DNM3: variants seen among roughly 807,000 people sequenced by gnomAD.
The protein encoded by DNM3 is dynamin 3.
In DNM3, 47 loss-of-function variants were observed where a neutral mutation model predicts 101.6. That is an observed-to-expected ratio of 0.46 (90% CI 0.37 to 0.59). The LOEUF is 0.59. Ranked by LOEUF, DNM3 falls within the 20% of genes least tolerant of loss-of-function variation. The pLI is 0.00. For missense variants in DNM3, 849 were observed against 1,085.7 expected, an observed-to-expected ratio of 0.78 and a Z score of 3.06; for synonymous variants, 385 against 387.9, an observed-to-expected ratio of 0.99 and a Z score of 0.09.
At chr1:172,180,703 G>T (rs1304801053) in intron 14 of DNM3, among the ~76,000 whole-genome samples, 2 of 152,028 alleles carry the variant, frequency 1.3e-5, no homozygotes, top group Admixed American at 1.3e-4. Flanking sequence ...TAGCTGTTTT[G>T]TGTTTCTGTA....
intron 15 of DNM3, among the ~76,000 whole-genome samples, chr1:172,307,894 A>G (rs1489046082): frequency 6.6e-6 from 1 of 152,102 alleles, no homozygotes; most frequent in African/African-American, 2.4e-5. Context: ...TGGGGGAGGG[A>G]TAGCATGAGG....
rs185733361 is a variant in DNM3 at position 172,051,202 on chromosome 1, C to T, written c.1335+2452C>T. Reference sequence around the variant, plus strand: ...GGGCCTTTATTGGGTATGACATTTGCCATTTTTCCTTTTGTGGCTTCCAAA... The same window carrying T: ...GGGCCTTTATTGGGTATGACATTTGTCATTTTTCCTTTTGTGGCTTCCAAA... On this transcript the variant is annotated intron_variant, in intron 10 of 20. Coordinates refer to ENST00000627582, the MANE Select transcript of DNM3 (RefSeq NM_015569.5). Among the ~76,000 whole-genome samples the T allele has an allele frequency of 5.1e-4, 78 of 152,276 alleles. 2 individuals carry two copies. The highest frequency in any genetic ancestry group is 5.0e-3 in the Admixed American group (76 of 15,296).
At chr1:172,083,338 GA>G (rs1210494398) in intron 12 of DNM3, among the ~76,000 whole-genome samples, 2 of 152,140 alleles carry the variant, frequency 1.3e-5, no homozygotes, top group Admixed American at 6.5e-5. Flanking sequence ...CCAAATAATT[GA>G]AAAGTATAGA....
At chr1:172,098,898 G>C (rs1009239135) in intron 13 of DNM3, among the ~76,000 whole-genome samples, 21 of 152,194 alleles carry the variant, frequency 1.4e-4, no homozygotes, top group Non-Finnish European at 1.3e-4. Context: ...GAACTTGGAG[G>C]AAGTTGTCAG....
intron 14 of DNM3, among the ~76,000 whole-genome samples, chr1:172,220,446 AG>A (rs2060866117): frequency 6.6e-6 from 1 of 152,214 alleles, no homozygotes; most frequent in South Asian, 2.1e-4. Context: ...AGAGAGCTCA[AG>A]AATCAATGCT....
chr1:172,019,239 A>G (rs2047666116), intron 4 of DNM3, among the ~76,000 whole-genome samples: 1 of 148,016 alleles, frequency 6.8e-6, no homozygotes, highest in Non-Finnish European at 1.5e-5. Context: ...GTACTGGTGC[A>G]CCAGGATCTC....
At chr1:172,281,686 G>A (rs1000170188) in intron 15 of DNM3, among the ~76,000 whole-genome samples, 6 of 151,592 alleles carry the variant, frequency 4.0e-5, no homozygotes, top group Non-Finnish European at 5.9e-5. Flanking sequence ...TCAGTGACTC[G>A]AGCTGGTTTG....
intron 2 of DNM3, among the ~76,000 whole-genome samples, chr1:171,928,616 A>G (rs1034923799): frequency 3.9e-5 from 6 of 152,006 alleles, no homozygotes; most frequent in African/African-American, 1.4e-4. Context: ...TGGAGGTGTG[A>G]ATAAGGCACT....
At position 172,316,322 on chromosome 1, in the gene DNM3, T is replaced by A. The variant is rs1437222194; in HGVS notation, c.1882-7007T>A. Among the ~76,000 whole-genome samples the A allele has an allele frequency of 2.7e-5, 4 of 149,746 alleles. No individual in the cohort carries two copies. The South Asian group carries it at 8.5e-4, about 32-fold the overall frequency. On this transcript the variant is annotated intron_variant, in intron 16 of 20. Coordinates refer to ENST00000627582, the MANE Select transcript of DNM3 (RefSeq NM_015569.5). Reference sequence around the variant, plus strand: ...AAGACCATCGAGACTAGGAAGGAACTGCATGAACTACTGAGCAAAATAACC... The same window carrying A: ...AAGACCATCGAGACTAGGAAGGAACAGCATGAACTACTGAGCAAAATAACC...
At chr1:172,017,423 T>C (rs531057481) in intron 4 of DNM3, among the ~76,000 whole-genome samples, 8 of 152,330 alleles carry the variant, frequency 5.3e-5, no homozygotes, top group Admixed American at 4.6e-4. Flanking sequence ...AACTGTTTTT[T>C]AAGTTTCTCA....
At chr1:172,257,710 G>C (rs2062463096) in intron 15 of DNM3, among the ~76,000 whole-genome samples, 1 of 151,950 alleles carries the variant, frequency 6.6e-6, no homozygotes, top group Non-Finnish European at 1.5e-5. Context: ...TATGTGTTGA[G>C]AACATTCCAA....
chr1:171,919,435 C>T (rs2039983167), intron 1 of DNM3, among the ~76,000 whole-genome samples: 1 of 151,954 alleles, frequency 6.6e-6, no homozygotes. Context: ...TGTTAGTTTC[C>T]TGAGAATGAT....
At chr1:172,183,767 ATTTTTTTTTTTT>A (rs376245976) in intron 14 of DNM3, among the ~76,000 whole-genome samples, 10 of 62,654 alleles carry the variant, frequency 1.6e-4, no homozygotes, top group East Asian at 5.0e-4. Flanking sequence ...TGCCCAGCTA[ATTTTTTTTTTTT>A]TTTTTTTTTT....
intron 14 of DNM3, among the ~76,000 whole-genome samples, chr1:172,193,956 G>A (rs146442003): frequency 0.067 from 10,180 of 152,064 alleles, 395 homozygotes; most frequent in Middle Eastern, 0.12. Context: ...TGATGTTAGG[G>A]TGTCAATTTT....
chr1:172,333,613 C>T (rs1034689956), intron 17 of DNM3, among the ~76,000 whole-genome samples: 1 of 152,010 alleles, frequency 6.6e-6, no homozygotes, highest in Admixed American at 6.6e-5. Flanking sequence ...CAACTTGATG[C>T]ATATTATCTT....
intron 10 of DNM3, among the ~76,000 whole-genome samples, chr1:172,056,679 A>G (rs1315272940): frequency 6.6e-6 from 1 of 150,644 alleles, no homozygotes; most frequent in Non-Finnish European, 1.5e-5. Flanking sequence ...CATCCACACC[A>G]AAAACCCATC....
At chr1:172,356,578 C>T (rs969707206) in intron 17 of DNM3, among the ~76,000 whole-genome samples, 4 of 151,520 alleles carry the variant, frequency 2.6e-5, no homozygotes, top group South Asian at 2.1e-4. Flanking sequence ...TGATCTTGCA[C>T]ATTCTATTAT....
intron 7 of DNM3, among the ~76,000 whole-genome samples, chr1:172,041,625 G>A (rs1216526797): frequency 6.6e-6 from 1 of 152,106 alleles, no homozygotes; most frequent in Non-Finnish European, 1.5e-5. Flanking sequence ...GGGAGTAATA[G>A]AGCTGGAGCA....
In DNM3 at chr1:172,304,206, C is replaced by CAAA. The variant is rs575733774; in HGVS notation, c.1770-4508_1770-4506dup. On this transcript the variant is annotated intron_variant, in intron 15 of 20. Coordinates refer to ENST00000627582, the MANE Select transcript of DNM3 (RefSeq NM_015569.5). ...GAATATCTACCATGCAAAAGGAAAG[C>CAAA]AAAAAAAAAAAAAAAACAGGAGTTG... Among the ~76,000 whole-genome samples, 23 of 36,388 alleles carry CAAA rather than the reference C, an allele frequency of 6.3e-4. 4 individuals are homozygous for CAAA. In the South Asian group the frequency reaches 0.01, roughly 16 times the overall value. The allele number at this position is 36,388 out of a possible 152,430, so 23.9% of individuals were successfully genotyped here.
Sources: allele counts gnomAD v4.1 joint callset (sites outside exome capture counted in the v4.1 genomes callset), GRCh38; gene constraint gnomAD v4.1.1; transcripts MANE v1.5; gene names NCBI Gene and HGNC (gene_info 2026-07-23, HGNC 2026-07-21).